SLC14A2: variants seen among roughly 807,000 people sequenced by gnomAD.
SLC14A2 encodes urea transporter 2.
Under a neutral mutation model 104.6 loss-of-function variants are expected in SLC14A2, and 91 were observed. The observed-to-expected ratio is 0.87, with a 90% confidence interval of 0.73 to 1.04. The LOEUF is 1.04. Ranked by LOEUF, SLC14A2 falls within the 50% of genes least tolerant of loss-of-function variation. The probability of loss-of-function intolerance (pLI) is 0.00; values close to 1 mark genes in which losing one functional copy is unlikely to be tolerated. For synonymous variants in SLC14A2, 476 were observed against 466.4 expected (o/e 1.02, Z -0.27); for missense variants, 1,189 against 1,156.0 (o/e 1.03, Z -0.41).
At chr18:45,401,377 C>T (rs928711890) in intron 1 of SLC14A2, among the ~76,000 whole-genome samples, 3 of 152,092 alleles carry the variant, frequency 2.0e-5, no homozygotes, top group African/African-American at 4.8e-5. Flanking sequence ...AATGAAAATC[C>T]TTGTCATCAT....
chr18:45,608,338 C>T (rs1057274544), intron 2 of SLC14A2, among the ~76,000 whole-genome samples: 1 of 152,186 alleles, frequency 6.6e-6, no homozygotes, highest in African/African-American at 2.4e-5. Flanking sequence ...CTTGTTGATA[C>T]CCACTATATA....
chr18:45,199,128 C>T, the SLC14A2 span, among the ~76,000 whole-genome samples: 1 of 151,812 alleles, frequency 6.6e-6, no homozygotes, highest in African/African-American at 2.4e-5. Context: ...AACACTTTCA[C>T]CAGGTTCTTT....
At chr18:45,509,052 C>G (rs1324514092) in intron 2 of SLC14A2, among the ~76,000 whole-genome samples, 1 of 152,162 alleles carries the variant, frequency 6.6e-6, no homozygotes, top group African/African-American at 2.4e-5. Context: ...GGTCATGACT[C>G]TATCCTGGAG....
intron 10 of SLC14A2, among the ~76,000 whole-genome samples, chr18:45,651,183 C>T (rs4890294): frequency 0.3 from 45,748 of 152,012 alleles, 7,799 homozygotes; most frequent in Middle Eastern, 0.46. Context: ...TCATTTGTAT[C>T]TTAGGCCAAA....
At chr18:45,434,725 G>A (rs1197974926) in intron 1 of SLC14A2, among the ~76,000 whole-genome samples, 1 of 152,154 alleles carries the variant, frequency 6.6e-6, no homozygotes, top group African/African-American at 2.4e-5. Flanking sequence ...AAATAGATGG[G>A]CACTTTTTAA....
intron 18 of SLC14A2, among the ~76,000 whole-genome samples, chr18:45,676,989 T>C (rs2046238382): frequency 6.6e-6 from 1 of 152,200 alleles, no homozygotes; most frequent in East Asian, 1.9e-4. Context: ...CAGTCAGTGA[T>C]GGATAAGACA....
At chr18:45,525,262 G>A (rs1229278015) in intron 2 of SLC14A2, among the ~76,000 whole-genome samples, 1 of 152,132 alleles carries the variant, frequency 6.6e-6, no homozygotes, top group African/African-American at 2.4e-5. Context: ...ATCAAATGCA[G>A]TATCTTGCAG....
chr18:45,519,736 A>C (rs969020688), intron 2 of SLC14A2, among the ~76,000 whole-genome samples: 4 of 152,236 alleles, frequency 2.6e-5, no homozygotes, highest in Admixed American at 2.0e-4. Context: ...TAAGAAATTA[A>C]GCTAAAGGCT....
At chr18:45,233,220 A>G (rs1284442089) in intron 1 of SLC14A2, among the ~76,000 whole-genome samples, 1 of 152,218 alleles carries the variant, frequency 6.6e-6, no homozygotes, top group African/African-American at 2.4e-5. Context: ...TTCCTGCAAC[A>G]CTGAAGAAGG....
intron 1 of SLC14A2, among the ~76,000 whole-genome samples, chr18:45,236,600 T>C (rs945588780): frequency 6.7e-6 from 1 of 149,812 alleles, no homozygotes; most frequent in African/African-American, 2.5e-5. Context: ...GGAAAAAGTA[T>C]ATATTCATGT....
intron 1 of SLC14A2, among the ~76,000 whole-genome samples, chr18:45,254,783 C>A (rs1460305964): frequency 6.6e-6 from 1 of 152,118 alleles, no homozygotes; most frequent in Non-Finnish European, 1.5e-5. Flanking sequence ...CCGTTTGCAG[C>A]AGCCTGGAGG....
chr18:45,223,283 C>T (rs1433149087), intron 1 of SLC14A2, among the ~76,000 whole-genome samples: 2 of 152,044 alleles, frequency 1.3e-5, no homozygotes, highest in African/African-American at 2.4e-5. Flanking sequence ...GTCACAATGA[C>T]GGAAGTTCAG....
intron 1 of SLC14A2, among the ~76,000 whole-genome samples, chr18:45,215,743 G>C (rs1369448706): frequency 1.3e-5 from 2 of 152,224 alleles, no homozygotes; most frequent in Non-Finnish European, 2.9e-5. Context: ...CAGGAAGACT[G>C]TCTGTGGTTA....
At chr18:45,260,986 C>G (rs2084530096) in intron 1 of SLC14A2, among the ~76,000 whole-genome samples, 1 of 151,936 alleles carries the variant, frequency 6.6e-6, no homozygotes, top group Admixed American at 6.6e-5. Flanking sequence ...CCTCTGAATC[C>G]AAAATAAATT....
At chr18:45,211,535 C>G (rs1274707219), upstream of SLC14A2, among the ~76,000 whole-genome samples, 1 of 152,118 alleles carries the variant, frequency 6.6e-6, no homozygotes, top group Non-Finnish European at 1.5e-5. Context: ...CTCCACCATT[C>G]TACCCTCTTC....
intron 11 of SLC14A2, among the ~76,000 whole-genome samples, chr18:45,665,719 T>TTTTTC (rs1568000708): frequency 7.9e-6 from 1 of 126,010 alleles, no homozygotes; most frequent in African/African-American, 2.9e-5. Context: ...TTTTTTTTGT[T>TTTTTC]CACCTTCAAG....
chr18:45,641,659 T>G (rs2045530384), intron 8 of SLC14A2, among the ~76,000 whole-genome samples: 1 of 152,248 alleles, frequency 6.6e-6, no homozygotes, highest in Non-Finnish European at 1.5e-5. Flanking sequence ...CAACTGTTTA[T>G]ACAACACCAT....
chr18:45,384,929 A>G (rs180952026), intron 1 of SLC14A2, among the ~76,000 whole-genome samples: 2 of 152,322 alleles, frequency 1.3e-5, no homozygotes, highest in Admixed American at 6.5e-5. Context: ...TTCCAGCATG[A>G]TGGCACCTTC....
Position 45,542,035 on chromosome 18 carries a change from G to GTTTTTTTTTTTTTTTTTTTTTTTTT in SLC14A2, c.-35+58726_-35+58750dup, listed in dbSNP as rs60977948. The stretch of plus-strand genomic sequence containing the variant: ...GGGCTTGTTAGATGAAAGAGAGAGG[G>GTTTTTTTTTTTTTTTTTTTTTTTTT]TTTTTTTTTTTTTTTTTTTTTTTTT... On this transcript the variant is annotated intron_variant, in intron 2 of 20. Coordinates refer to the SLC14A2 transcript ENST00000586448. Among the ~76,000 whole-genome samples the GTTTTTTTTTTTTTTTTTTTTTTTTT allele has an allele frequency of 1.5e-4, 8 of 54,232 alleles. 1 individual carries two copies. Among genetic ancestry groups the GTTTTTTTTTTTTTTTTTTTTTTTTT allele is most frequent in the Non-Finnish European group, 2.2e-4 (6 of 27,024 alleles). The allele number at this position is 54,232 out of a possible 152,430, so 35.6% of individuals were successfully genotyped here.
Sources: gnomAD v4.1 joint callset for allele counts (sites outside exome capture counted in the v4.1 genomes callset) on GRCh38, gnomAD v4.1.1 for gene constraint, MANE v1.5 for transcripts, NCBI Gene and HGNC (gene_info 2026-07-23, HGNC 2026-07-21) for gene names.